The following KLF12 variants were observed in gnomAD, a reference collection of about 807,000 sequenced individuals.
KLF12 encodes KLF transcription factor 12.
KLF12 carries 9 observed loss-of-function variants against 37.8 expected under a neutral mutation model. That is an observed-to-expected ratio of 0.24 (90% CI 0.14 to 0.42). KLF12 has a LOEUF of 0.42. Among genes scored for constraint, KLF12 ranks in the 10% least tolerant of loss-of-function variants. The pLI, the probability that KLF12 is intolerant of heterozygous loss-of-function variation, is 1.00. For synonymous variants in KLF12, 208 were observed against 202.1 expected (o/e 1.03, Z -0.25); for missense variants, 411 against 516.0 (o/e 0.80, Z 1.97).
At chr13:74,278,707 C>CT in the KLF12 span, among the ~76,000 whole-genome samples, 1 of 152,150 alleles carries the variant, frequency 6.6e-6, no homozygotes, top group Non-Finnish European at 1.5e-5. Context: ...CTTTTCCTAA[C>CT]TTTTTAAAGG....
At chr13:73,802,687 T>C (rs1882344389) in intron 5 of KLF12, among the ~76,000 whole-genome samples, 1 of 152,158 alleles carries the variant, frequency 6.6e-6, no homozygotes. Context: ...GTACCCACTA[T>C]GTAGCACCCA....
chr13:74,297,036 G>T, the KLF12 span, among the ~76,000 whole-genome samples: 1 of 149,134 alleles, frequency 6.7e-6, no homozygotes, highest in African/African-American at 2.4e-5. Flanking sequence ...AAGTTCTCAT[G>T]GGGGGGACTC....
chr13:74,006,989 T>C (rs1350504478), intron 1 of KLF12, among the ~76,000 whole-genome samples: 3 of 152,166 alleles, frequency 2.0e-5, no homozygotes, highest in African/African-American at 7.2e-5. Context: ...TACGTCTCAA[T>C]TTACATTTAC....
intron 6 of KLF12, among the ~76,000 whole-genome samples, chr13:73,726,745 T>G (rs769784424): frequency 6.6e-6 from 1 of 152,248 alleles, no homozygotes. Context: ...AACACTGCTA[T>G]AAACATTGTG....
At chr13:74,128,690 G>A (rs1399326342) in intron 1 of KLF12, among the ~76,000 whole-genome samples, 2 of 152,152 alleles carry the variant, frequency 1.3e-5, no homozygotes, top group Non-Finnish European at 1.5e-5. Context: ...CATTGTTTTC[G>A]AATAATTTAA....
the KLF12 span, among the ~76,000 whole-genome samples, chr13:74,219,368 T>G: frequency 2.6e-3 from 402 of 152,370 alleles, 2 homozygotes; most frequent in African/African-American, 9.0e-3. Flanking sequence ...TATTTCCATG[T>G]GAGTATAAAA....
Position 73,786,568 on chromosome 13 carries a change from T to A in KLF12, c.807-21568A>T, listed in dbSNP as rs1259325417. Among the ~76,000 whole-genome samples the A allele has an allele frequency of 2.0e-5, 3 of 151,930 alleles. No individual in the cohort carries two copies. The East Asian group carries it at 5.8e-4, about 29-fold the overall frequency. On this transcript the variant is annotated intron_variant, in intron 5 of 7. Transcript: ENST00000377669. ...AATGCCTTTCTCTGCCACTGACATA[T>A]AAATCCTGCCTATCTTTCAAAGCAC...
chr13:73,893,830 G>A (rs1350502501), intron 3 of KLF12, among the ~76,000 whole-genome samples: 1 of 152,108 alleles, frequency 6.6e-6, no homozygotes, highest in South Asian at 2.1e-4. Context: ...TAATGCAGAC[G>A]GCAATAGAGC....
At chr13:73,762,175 T>C (rs1879607180) in intron 6 of KLF12, among the ~76,000 whole-genome samples, 1 of 152,196 alleles carries the variant, frequency 6.6e-6, no homozygotes, top group African/African-American at 2.4e-5. Context: ...CCAACATATG[T>C]CGTTGGGCCT....
intron 1 of KLF12, among the ~76,000 whole-genome samples, chr13:74,007,981 T>C (rs1004391744): frequency 2.0e-5 from 3 of 151,766 alleles, no homozygotes; most frequent in Admixed American, 6.6e-5. Context: ...TTAACATCAA[T>C]TGATATGAAA....
the KLF12 span, among the ~76,000 whole-genome samples, chr13:74,155,974 T>A: frequency 6.6e-6 from 1 of 152,210 alleles, no homozygotes; most frequent in African/African-American, 2.4e-5. Flanking sequence ...TGTTTCCGCA[T>A]GGCCTGTCAT....
chr13:73,740,401 T>C (rs952555554), intron 6 of KLF12, among the ~76,000 whole-genome samples: 4 of 152,242 alleles, frequency 2.6e-5, no homozygotes, highest in Admixed American at 6.5e-5. Context: ...ACTCAGTCTA[T>C]GGCATTTTGT....
At chr13:74,146,529 A>T in the KLF12 span, among the ~76,000 whole-genome samples, 1 of 152,202 alleles carries the variant, frequency 6.6e-6, no homozygotes, top group Non-Finnish European at 1.5e-5. Context: ...TTTTAAAAGG[A>T]TAAGGAGCAA....
At chr13:73,855,676 C>A (rs1885571703) in intron 3 of KLF12, among the ~76,000 whole-genome samples, 1 of 152,178 alleles carries the variant, frequency 6.6e-6, no homozygotes, top group Non-Finnish European at 1.5e-5. Context: ...AACTGCTCTC[C>A]ACGGTGCTTG....
intron 6 of KLF12, among the ~76,000 whole-genome samples, chr13:73,741,449 C>T (rs1336302036): frequency 6.6e-6 from 1 of 152,160 alleles, no homozygotes; most frequent in Non-Finnish European, 1.5e-5. Context: ...AGAAACCTTG[C>T]TTTCAGATTT....
intron 5 of KLF12, among the ~76,000 whole-genome samples, chr13:73,793,168 C>T (rs1036313360): frequency 2.0e-5 from 3 of 152,184 alleles, no homozygotes; most frequent in African/African-American, 7.2e-5. Flanking sequence ...ACATTACAGG[C>T]ATTGTGCTAA....
chr13:73,995,155 A>G (rs1892073535), intron 1 of KLF12, 102 bp from the exon 2 acceptor site: 1 of 730,004 alleles, frequency 1.4e-6, no homozygotes, highest in Non-Finnish European at 2.3e-6. Context: ...CAGTTCCTTA[A>G]GCTCGTGATC....
At position 73,916,130 on chromosome 13, in the gene KLF12, C is replaced by T. The variant is rs148260272; in HGVS notation, c.123+27851G>A. 3.0e-3 allele frequency among the ~76,000 whole-genome samples: 454 copies of T among 151,766 alleles called. 3 individuals are homozygous for T. The highest frequency in any genetic ancestry group is 0.01 in the African/African-American group (418 of 41,310). The stretch of plus-strand genomic sequence containing the variant: ...TTTTTAGAGGATTGGAATAATTTGG[C>T]TTTCATAATTAAAAAGCATAAATCC... On this transcript the variant is annotated intron_variant, in intron 3 of 7. Transcript: ENST00000377669.
chr13:74,016,290 CA>C, intron 1 of KLF12, among the ~76,000 whole-genome samples: 1 of 152,132 alleles, frequency 6.6e-6, no homozygotes, highest in African/African-American at 2.4e-5. Context: ...CACCAATACA[CA>C]GCCATTAGAA....
Sources: gnomAD v4.1 joint callset for allele counts (sites outside exome capture counted in the v4.1 genomes callset) on GRCh38, gnomAD v4.1.1 for gene constraint, MANE v1.5 for transcripts, NCBI Gene and HGNC (gene_info 2026-07-23, HGNC 2026-07-21) for gene names.